The following PHACTR3 variants were observed in gnomAD, a reference collection of about 807,000 sequenced individuals.
PHACTR3 encodes the protein phosphatase and actin regulator 3, also known as protein phosphatase 1, regulatory subunit 123.
Under a neutral mutation model 66.8 loss-of-function variants are expected in PHACTR3, and 16 were observed. The ratio of observed to expected loss-of-function variants is 0.24; its 90% CI spans 0.16 to 0.36. PHACTR3 has a LOEUF of 0.36. Among genes scored for constraint, PHACTR3 ranks in the 10% least tolerant of loss-of-function variants. PHACTR3 has a pLI of 1.00. For synonymous variants in PHACTR3, 323 were observed against 292.1 expected, an observed-to-expected ratio of 1.11 and a Z score of -1.08; for missense variants, 647 against 719.9, an observed-to-expected ratio of 0.90 and a Z score of 1.16.
intron 1 of PHACTR3, among the ~76,000 whole-genome samples, chr20:59,605,846 C>CGGGGGGGGGGGGGG (rs200107140): frequency 5.2e-4 from 4 of 7,756 alleles, no homozygotes; most frequent in African/African-American, 3.7e-3. Context: ...CCTAATAAAG[C>CGGGGGGGGGGGGGG]GGGGGGGGAG....
chr20:59,827,239 G>A (rs1421191935), intron 8 of PHACTR3, among the ~76,000 whole-genome samples: 1 of 152,138 alleles, frequency 6.6e-6, no homozygotes, highest in Non-Finnish European at 1.5e-5. Context: ...GGGCGGGGGT[G>A]CACGTGATCT....
At chr20:59,845,416 G>C (rs1182620549) in intron 12 of PHACTR3, 151 bp downstream of exon 12, 1 of 567,630 alleles carries the variant, frequency 1.8e-6, no homozygotes, top group Non-Finnish European at 3.2e-6. Flanking sequence ...CCTCAAGTAA[G>C]AATGCTGCCT....
intron 1 of PHACTR3, among the ~76,000 whole-genome samples, chr20:59,664,464 G>T (rs151276044): frequency 3.9e-5 from 6 of 152,148 alleles, no homozygotes; most frequent in Admixed American, 2.0e-4. Flanking sequence ...GCTGCTTCTC[G>T]TAGCCGTTTC....
chr20:59,723,276 A>G (rs2038417983), intron 1 of PHACTR3, among the ~76,000 whole-genome samples: 1 of 152,004 alleles, frequency 6.6e-6, no homozygotes, highest in South Asian at 2.1e-4. Flanking sequence ...ATGTCCATTA[A>G]GTGCTCCCTC....
At position 59,814,529 on chromosome 20, in the gene PHACTR3, G is replaced by A. The variant is rs532190952; in HGVS notation, c.1328+8335G>A. ...GCCCAAGGAGCACAGGGACTGGAAC[G>A]GGAGACTGCCCGGTCCATGCTGGAC... On this transcript the variant is annotated intron_variant, in intron 8 of 12. Transcript: ENST00000371015. Among the ~76,000 whole-genome samples, 103 of 152,320 alleles carry A rather than the reference G, an allele frequency of 6.8e-4. No homozygotes were observed. In the South Asian group the frequency reaches 9.3e-3, roughly 14 times the overall value.
chr20:59,839,187 GTCTC>G (rs778788395), intron 9 of PHACTR3, among the ~76,000 whole-genome samples: 2 of 152,094 alleles, frequency 1.3e-5, no homozygotes, highest in African/African-American at 2.4e-5. Context: ...CTTTCACAAT[GTCTC>G]TCTAATTGTA....
intron 1 of PHACTR3, among the ~76,000 whole-genome samples, chr20:59,586,998 G>T (rs2426791): frequency 6.6e-6 from 1 of 152,080 alleles, no homozygotes; most frequent in Non-Finnish European, 1.5e-5. Flanking sequence ...TCTGACAGCA[G>T]GTCAATGCTT....
chr20:59,789,235 C>T (rs1164856669), intron 7 of PHACTR3, among the ~76,000 whole-genome samples: 3 of 152,202 alleles, frequency 2.0e-5, no homozygotes, highest in Middle Eastern at 3.4e-3. Context: ...GTGATCTCAC[C>T]GAGATGAGGA....
intron 7 of PHACTR3, among the ~76,000 whole-genome samples, chr20:59,803,889 T>C (rs906187753): frequency 2.0e-5 from 3 of 152,116 alleles, no homozygotes; most frequent in Non-Finnish European, 4.4e-5. Flanking sequence ...TGGGGGCATT[T>C]GGGGAGGGTG....
chr20:59,578,630 G>A (rs924748036), intron 1 of PHACTR3, among the ~76,000 whole-genome samples: 4 of 152,136 alleles, frequency 2.6e-5, no homozygotes, highest in African/African-American at 7.2e-5. Context: ...GGCAGAAGCC[G>A]GGGACACTGC....
At chr20:59,840,575 G>T (rs1015395705) in intron 10 of PHACTR3, 145 bp downstream of exon 10, 4 of 1,311,918 alleles carry the variant, frequency 3.0e-6, no homozygotes, top group Non-Finnish European at 3.1e-6. Context: ...GTTAAATCAG[G>T]ATATTTGCTC....
In PHACTR3 at chr20:59,841,380, G is replaced by A; in HGVS notation, c.1447-15G>A. On this transcript the variant is annotated splice_polypyrimidine_tract_variant and intron_variant, in intron 10 of 12. Transcript: ENST00000371015. ...TTGGCATGTGATACTTAACTATGATGATCTTTAATTTTAGCTTAATCAGAG... is the reference window on the plus strand; with the variant it reads ...TTGGCATGTGATACTTAACTATGATAATCTTTAATTTTAGCTTAATCAGAG... 1.2e-6 allele frequency: 2 copies of A among 1,605,310 alleles called. No individual in the cohort carries two copies. The highest frequency in any genetic ancestry group is 1.7e-6 in the Non-Finnish European group (2 of 1,175,064).
intron 1 of PHACTR3, among the ~76,000 whole-genome samples, chr20:59,597,780 G>T (rs1374001075): frequency 6.6e-6 from 1 of 152,242 alleles, no homozygotes; most frequent in Non-Finnish European, 1.5e-5. Context: ...TCATCCTCCT[G>T]TGTGTTGCTG....
At chr20:59,622,997 A>AAAAAAAAAAAAAAAAAAC (rs2034310417) in intron 1 of PHACTR3, among the ~76,000 whole-genome samples, 1 of 145,444 alleles carries the variant, frequency 6.9e-6, no homozygotes, top group African/African-American at 2.6e-5. Flanking sequence ...AAAAAAAAAA[A>AAAAAAAAAAAAAAAAAAC]AAAACCCAAA....
intron 1 of PHACTR3, among the ~76,000 whole-genome samples, chr20:59,710,018 G>A (rs771389404): frequency 9.2e-5 from 14 of 152,172 alleles, no homozygotes; most frequent in Non-Finnish European, 1.3e-4. Context: ...TGAGTTGGCA[G>A]AGGAAAAAAT....
At chr20:59,611,208 A>G (rs2033833770) in intron 1 of PHACTR3, among the ~76,000 whole-genome samples, 1 of 152,374 alleles carries the variant, frequency 6.6e-6, no homozygotes, top group African/African-American at 2.4e-5. Context: ...TAAGTTCAGA[A>G]TGAGTGAGGA....
At chr20:59,748,312 T>C (rs1028199571) in intron 3 of PHACTR3, among the ~76,000 whole-genome samples, 1 of 152,040 alleles carries the variant, frequency 6.6e-6, no homozygotes. Flanking sequence ...CCTGTCTCAT[T>C]GGTCTTCCCA....
rs534126990 is a variant in PHACTR3, at chr20:59,649,785, C to A, written c.118+44653C>A. Among the ~76,000 whole-genome samples the A allele has an allele frequency of 2.0e-5, 3 of 152,252 alleles. No homozygotes were observed. In the South Asian group the frequency reaches 6.2e-4, roughly 32 times the overall value. On this transcript the variant is annotated intron_variant, in intron 1 of 12. Transcript: ENST00000371015. ...TACAAATTGTCCCTAACCACTCAAT[C>A]AATGTTTACTTTACATGTTAAAAAT...
intron 9 of PHACTR3, 32 bp from the exon 10 acceptor site, chr20:59,840,337 T>TA: frequency 6.3e-7 from 1 of 1,597,718 alleles, no homozygotes; most frequent in Non-Finnish European, 8.5e-7. Context: ...TTCTCTTTGT[T>TA]ATTTTTTTTT....
Sources: allele counts gnomAD v4.1 joint callset (sites outside exome capture counted in the v4.1 genomes callset), GRCh38; gene constraint gnomAD v4.1.1; transcripts MANE v1.5; gene names NCBI Gene and HGNC (gene_info 2026-07-23, HGNC 2026-07-21).